The following LSAMP variants were observed in gnomAD, a reference collection of about 807,000 sequenced individuals.
LSAMP encodes limbic system-associated membrane protein.
A neutral mutation model predicts 38.6 loss-of-function variants in LSAMP; 7 were observed. The observed-to-expected ratio is 0.18, with a 90% CI of 0.10 to 0.34. The LOEUF is 0.34. Among genes scored for constraint, LSAMP ranks in the 10% least tolerant of loss-of-function variants. LSAMP has a pLI of 1.00. For synonymous variants in LSAMP, 154 were observed against 166.8 expected, an observed-to-expected ratio of 0.92 and a Z score of 0.59; for missense variants, 313 against 420.0, an observed-to-expected ratio of 0.75 and a Z score of 2.23.
intron 1 of LSAMP, among the ~76,000 whole-genome samples, chr3:116,167,001 C>T (rs930960841): frequency 3.9e-5 from 6 of 151,998 alleles, no homozygotes; most frequent in Non-Finnish European, 8.8e-5. Context: ...CCGTGTTAGC[C>T]AGGATGGTCT....
intron 6 of LSAMP, among the ~76,000 whole-genome samples, chr3:115,818,881 G>A (rs1934132355): frequency 7.1e-6 from 1 of 141,726 alleles, no homozygotes; most frequent in African/African-American, 2.6e-5. Context: ...AGTGATTGGA[G>A]GCTGGGCGCG....
At chr3:115,925,319 C>A (rs1937474447) in intron 3 of LSAMP, among the ~76,000 whole-genome samples, 1 of 152,174 alleles carries the variant, frequency 6.6e-6, no homozygotes, top group African/African-American at 2.4e-5. Flanking sequence ...TTAACACTAC[C>A]ACTTTCTGGC....
At chr3:115,984,048 A>G (rs1278943912) in intron 3 of LSAMP, among the ~76,000 whole-genome samples, 2 of 151,580 alleles carry the variant, frequency 1.3e-5, no homozygotes, top group Non-Finnish European at 2.9e-5. Context: ...CTCCTGCAGT[A>G]CTCTAAATGA....
intron 1 of LSAMP, among the ~76,000 whole-genome samples, chr3:116,190,948 G>T (rs1189555179): frequency 1.3e-5 from 2 of 152,188 alleles, no homozygotes; most frequent in African/African-American, 4.8e-5. Flanking sequence ...AATTTGTGAG[G>T]CTGTGTCAAA....
intron 1 of LSAMP, among the ~76,000 whole-genome samples, chr3:116,435,782 T>C (rs553388275): frequency 4.6e-5 from 7 of 152,182 alleles, no homozygotes; most frequent in Non-Finnish European, 8.8e-5. Context: ...AGAGAACCTC[T>C]TGAGGGTGTT....
chr3:115,887,230 C>A (rs946659016), intron 3 of LSAMP, among the ~76,000 whole-genome samples: 4 of 151,656 alleles, frequency 2.6e-5, no homozygotes, highest in African/African-American at 9.7e-5. Flanking sequence ...TATGGTGAGA[C>A]TGATTATGAT....
At chr3:116,036,596 AG>A (rs2107711238) in intron 2 of LSAMP, among the ~76,000 whole-genome samples, 1 of 152,336 alleles carries the variant, frequency 6.6e-6, no homozygotes, top group African/African-American at 2.4e-5. Flanking sequence ...GGCTACTTCC[AG>A]GCCCCTAACC....
At chr3:116,213,511 G>A (rs549306453) in intron 1 of LSAMP, among the ~76,000 whole-genome samples, 33 of 152,302 alleles carry the variant, frequency 2.2e-4, no homozygotes, top group South Asian at 8.3e-4. Flanking sequence ...TCAGTCTTGG[G>A]TGTGTCTTTA....
At chr3:116,176,977 T>C (rs867345865) in intron 1 of LSAMP, among the ~76,000 whole-genome samples, 3 of 152,160 alleles carry the variant, frequency 2.0e-5, no homozygotes, top group Admixed American at 2.0e-4. Context: ...TTGAAAATTG[T>C]GGTGTTGTGT....
chr3:116,114,716 C>T (rs1301603143), intron 1 of LSAMP, among the ~76,000 whole-genome samples: 1 of 152,212 alleles, frequency 6.6e-6, no homozygotes, highest in Non-Finnish European at 1.5e-5. Flanking sequence ...CTAAATAAAT[C>T]TCACAATGAA....
intron 3 of LSAMP, among the ~76,000 whole-genome samples, chr3:115,966,132 A>G (rs1260379754): frequency 6.6e-6 from 1 of 152,196 alleles, no homozygotes; most frequent in East Asian, 1.9e-4. Context: ...AGTGTTCTGT[A>G]CATCTTTAAG....
chr3:115,883,180 C>T (rs750486138), intron 3 of LSAMP, among the ~76,000 whole-genome samples: 2 of 151,938 alleles, frequency 1.3e-5, no homozygotes, highest in Admixed American at 6.6e-5. Flanking sequence ...AAGAAGGCAA[C>T]GGGGTAGGCC....
chr3:116,039,044 C>G (rs1941109315), intron 2 of LSAMP, among the ~76,000 whole-genome samples: 1 of 152,076 alleles, frequency 6.6e-6, no homozygotes, highest in Non-Finnish European at 1.5e-5. Flanking sequence ...TTGCAATAGC[C>G]TATATTTAAA....
At chr3:115,993,972 A>T (rs559816287) in intron 3 of LSAMP, among the ~76,000 whole-genome samples, 37 of 152,228 alleles carry the variant, frequency 2.4e-4, no homozygotes, top group African/African-American at 8.9e-4. Flanking sequence ...TGGAAGACTA[A>T]AAATTAGTGG....
chr3:116,011,403 T>C (rs942246752), intron 3 of LSAMP, among the ~76,000 whole-genome samples: 1 of 152,092 alleles, frequency 6.6e-6, no homozygotes, highest in Non-Finnish European at 1.5e-5. Flanking sequence ...AAGCCAGAAT[T>C]GTGAAGGCCA....
chr3:116,054,083 T>C (rs1049158145), intron 2 of LSAMP, among the ~76,000 whole-genome samples: 3 of 152,180 alleles, frequency 2.0e-5, no homozygotes, highest in Admixed American at 6.5e-5. Flanking sequence ...ATGGTCCTTC[T>C]TGAGGCTGAA....
At chr3:116,034,058 C>T (rs1249920398) in intron 2 of LSAMP, among the ~76,000 whole-genome samples, 2 of 151,880 alleles carry the variant, frequency 1.3e-5, no homozygotes, top group African/African-American at 2.4e-5. Flanking sequence ...GGAAAGTGAG[C>T]GGCTCCCACT....
At position 116,190,880 on chromosome 3, in the gene LSAMP, T is replaced by G. The variant is rs192518522; in HGVS notation, c.156-104324A>C. The stretch of plus-strand genomic sequence containing the variant: ...CTGGTCTTCCTAGAGTTCACGTCTA[T>G]TCCAGCTTCAACATGTGCTACTCTG... On this transcript the variant is annotated intron_variant, in intron 1 of 6. Transcript: ENST00000490035. Among the ~76,000 whole-genome samples the G allele has an allele frequency of 2.2e-3, 329 of 152,260 alleles. 2 individuals are homozygous for G. The highest frequency in any genetic ancestry group is 7.5e-3 in the African/African-American group (312 of 41,536).
intron 1 of LSAMP, among the ~76,000 whole-genome samples, chr3:116,225,235 G>T (rs942528060): frequency 3.3e-5 from 5 of 152,140 alleles, no homozygotes; most frequent in Non-Finnish European, 7.4e-5. Flanking sequence ...TTTTAGGGTG[G>T]TTCCTAAATT....
Sources: gnomAD v4.1 joint callset for allele counts (sites outside exome capture counted in the v4.1 genomes callset) on GRCh38, gnomAD v4.1.1 for gene constraint, MANE v1.5 for transcripts, NCBI Gene and HGNC (gene_info 2026-07-23, HGNC 2026-07-21) for gene names.